Variants in CD44 observed in about 807,000 individuals in gnomAD.
CD44 encodes CD44 molecule (IN blood group).
CD44 carries 49 observed loss-of-function variants against 88.8 expected under a neutral mutation model. The observed-to-expected ratio is 0.55, with a 90% CI of 0.44 to 0.70. The LOEUF is 0.70. CD44 is among the 30% of genes least tolerant of loss of function. The probability of loss-of-function intolerance (pLI) is 0.00; values close to 1 mark genes in which losing one functional copy is unlikely to be tolerated. For synonymous variants in CD44, 325 were observed against 312.3 expected (o/e 1.04, Z -0.43); for missense variants, 883 against 913.8 (o/e 0.97, Z 0.43).
chr11:35,207,639 G>A (rs1344556472), intron 11 of CD44, among the ~76,000 whole-genome samples: 1 of 152,018 alleles, frequency 6.6e-6, no homozygotes, highest in East Asian at 1.9e-4. Flanking sequence ...CTGTTTATTT[G>A]CATATTCACT....
intron 17 of CD44, 43 bp from the exon 18 acceptor site, chr11:35,229,086 T>G (rs961918210): frequency 8.8e-6 from 13 of 1,479,956 alleles, no homozygotes; most frequent in Non-Finnish European, 1.2e-5. Context: ...GATGCCTGAG[T>G]CACTGCAATC....
intron 1 of CD44, among the ~76,000 whole-genome samples, chr11:35,167,830 C>T (rs1000980698): frequency 6.6e-6 from 1 of 152,216 alleles, no homozygotes; most frequent in Non-Finnish European, 1.5e-5. Flanking sequence ...ACCCCAAGTC[C>T]TGGAGTCCTC....
chr11:35,178,757 A>G (rs754726847), intron 2 of CD44, among the ~76,000 whole-genome samples: 1 of 152,228 alleles, frequency 6.6e-6, no homozygotes, highest in Non-Finnish European at 1.5e-5. Flanking sequence ...ACTTGATGAC[A>G]TGATGTGATG....
At chr11:35,222,001 T>C (rs567215445) in intron 17 of CD44, among the ~76,000 whole-genome samples, 9 of 152,356 alleles carry the variant, frequency 5.9e-5, no homozygotes, top group African/African-American at 2.2e-4. Flanking sequence ...TGTGATTGTT[T>C]GGCTCATCAC....
intron 12 of CD44, among the ~76,000 whole-genome samples, chr11:35,208,591 T>C (rs1251382706): frequency 6.6e-6 from 1 of 152,178 alleles, no homozygotes; most frequent in Non-Finnish European, 1.5e-5. Flanking sequence ...AGGGGTAGGA[T>C]TGCTTGCATG....
At position 35,208,129 on chromosome 11, in the gene CD44, C is replaced by T. The variant is rs367650491; in HGVS notation, c.1439C>T (p.Thr480Met). ...GATATGGACTCCAGTCATAGTATAA[C>T]GCTTCAGCCTACTGCAAATCCAAAC... ...RMDMDSSHSI[T>M]LQPTANPNTG... is the part of the protein sequence containing the mutation. The change falls in exon 12 of 18, where the codon ACG becomes ATG. Residue 480 changes from threonine to methionine, a missense_variant. Physicochemically the swap from Thr to Met is moderately conservative, Grantham distance 81. Transcript: ENST00000428726. The T allele has an allele frequency of 4.7e-5, 75 of 1,609,868 alleles. No homozygotes were observed. Among genetic ancestry groups the T allele is most frequent in the East Asian group, 8.9e-5 (4 of 44,850 alleles).
chr11:35,190,094 A>C, intron 5 of CD44, 29 bp downstream of exon 5: 3 of 1,578,658 alleles, frequency 1.9e-6, no homozygotes, highest in Non-Finnish European at 2.6e-6. Flanking sequence ...TGTGCTTCCC[A>C]ATAGCAATTC....
At chr11:35,226,906 ACGGAGT>A (rs199611451) in intron 17 of CD44, among the ~76,000 whole-genome samples, 19,631 of 113,104 alleles carry the variant, frequency 0.17, 1,525 homozygotes, top group Middle Eastern at 0.27. Context: ...TTTTTTTGAG[ACGGAGT>A]CTTACTGTGT....
chr11:35,165,475 G>A (rs1026253407), intron 1 of CD44, among the ~76,000 whole-genome samples: 3 of 152,182 alleles, frequency 2.0e-5, no homozygotes, highest in African/African-American at 7.2e-5. Flanking sequence ...GCTGCTTTTG[G>A]GTGTGAAAGT....
At chr11:35,164,622 A>T (rs1046937761) in intron 1 of CD44, among the ~76,000 whole-genome samples, 10 of 152,120 alleles carry the variant, frequency 6.6e-5, no homozygotes, top group African/African-American at 2.2e-4. Context: ...TTGATTGTAT[A>T]AATCTGGCCA....
At position 35,214,853 on chromosome 11, in the gene CD44, A is replaced by G. The variant is rs979088917; in HGVS notation, c.1812A>G (p.Gly604=). The change falls in exon 15 of 18, where the codon GGA becomes GGG. Residue 604 remains glycine (G), a splice_region_variant and synonymous_variant. Transcript: ENST00000428726. The stretch of plus-strand genomic sequence containing the variant: ...GACCTTCCTGATTGCTCATTACAGG[A>G]GACCAAGACACATTCCACCCCAGTG... ...SNSNVNRSLS[G]DQDTFHPSGG... is the part of the protein sequence containing the mutation. The G allele has an allele frequency of 3.2e-6, 5 of 1,540,996 alleles. No individual in the cohort carries two copies. The South Asian group carries it at 6.3e-5, about 19-fold the overall frequency.
chr11:35,139,603 G>C, intron 1 of CD44: 1 of 751,678 alleles, frequency 1.3e-6, no homozygotes, highest in Non-Finnish European at 2.4e-6. Context: ...AAGTTTGTTG[G>C]GCAGGCTGCC....
intron 1 of CD44, among the ~76,000 whole-genome samples, chr11:35,160,298 C>G (rs1942433937): frequency 6.6e-6 from 1 of 152,236 alleles, no homozygotes; most frequent in Non-Finnish European, 1.5e-5. Context: ...TGAAACCACT[C>G]TTTCCCTCCA....
chr11:35,156,695 C>G (rs1045399735), intron 1 of CD44, among the ~76,000 whole-genome samples: 2 of 152,150 alleles, frequency 1.3e-5, no homozygotes, highest in African/African-American at 4.8e-5. Flanking sequence ...AGCTTGGCTC[C>G]AACTACACCT....
At chr11:35,218,415 G>A (rs1270350471) in intron 15 of CD44, among the ~76,000 whole-genome samples, 1 of 152,042 alleles carries the variant, frequency 6.6e-6, no homozygotes, top group Admixed American at 6.6e-5. Flanking sequence ...TGCAACCTCT[G>A]CTTCCTGGGT....
At chr11:35,142,444 T>C (rs957704000) in intron 1 of CD44, among the ~76,000 whole-genome samples, 5 of 152,132 alleles carry the variant, frequency 3.3e-5, no homozygotes, top group African/African-American at 1.2e-4. Context: ...GATCTTTGCT[T>C]GGGAATTGCA....
intron 8 of CD44, 82 bp from the exon 9 acceptor site, chr11:35,201,589 A>C: frequency 8.5e-6 from 13 of 1,521,094 alleles, no homozygotes; most frequent in Non-Finnish European, 1.2e-5. Flanking sequence ...ATTGTTAAAT[A>C]GCATGCACTT....
chr11:35,186,919 C>A lies in CD44; in HGVS notation c.436+19C>A, dbSNP rs748532837. 6.7e-7 allele frequency: 1 copy of A among 1,494,666 alleles called. No homozygotes were observed. Among genetic ancestry groups the A allele is most frequent in the South Asian group, 1.1e-5 (1 of 88,710 alleles). 92.6% of individuals were successfully genotyped at this position (1,494,666 alleles called of 1,614,324 possible). On this transcript the variant is annotated intron_variant, in intron 4 of 17. Transcript: ENST00000428726. ...ACCATAAGTATGTCTCTCTTCTAAT[C>A]TTAATTAAATTTTCCTATTTTGGGG...
At chr11:35,202,050 G>T (rs1470611344) in intron 9 of CD44, among the ~76,000 whole-genome samples, 7 of 152,200 alleles carry the variant, frequency 4.6e-5, no homozygotes, top group Non-Finnish European at 2.9e-5. Context: ...GGTTCCTAGA[G>T]GTTCCATTTG....
Sources: allele counts gnomAD v4.1 joint callset (sites outside exome capture counted in the v4.1 genomes callset), GRCh38; gene constraint gnomAD v4.1.1; transcripts MANE v1.5; gene names NCBI Gene and HGNC (gene_info 2026-07-23, HGNC 2026-07-21).